ADAM9: variants seen among roughly 807,000 people sequenced by gnomAD.
The protein encoded by ADAM9 is disintegrin and metalloproteinase domain-containing protein 9.
Under a neutral mutation model 108.1 loss-of-function variants are expected in ADAM9, and 54 were observed. The ratio of observed to expected loss-of-function variants is 0.50; its 90% CI spans 0.40 to 0.63. The LOEUF (loss-of-function observed/expected upper bound fraction) is 0.63. Ranked by LOEUF, ADAM9 falls within the 20% of genes least tolerant of loss-of-function variation. ADAM9 has a pLI of 0.00. For synonymous variants in ADAM9, 316 were observed against 336.0 expected, an observed-to-expected ratio of 0.94 and a Z score of 0.65; for missense variants, 830 against 997.7, an observed-to-expected ratio of 0.83 and a Z score of 2.26.
At chr8:39,061,041 C>G (rs990838876) in intron 14 of ADAM9, among the ~76,000 whole-genome samples, 4 of 152,250 alleles carry the variant, frequency 2.6e-5, no homozygotes, top group Non-Finnish European at 5.9e-5. Context: ...CTATCATTCT[C>G]CAAGATCTGT....
intron 13 of ADAM9, 57 bp from the exon 14 acceptor site, chr8:39,055,520 A>T: frequency 6.5e-7 from 1 of 1,550,228 alleles, no homozygotes; most frequent in Non-Finnish European, 8.9e-7. Context: ...TTCACATTTG[A>T]TTAATTTGTG....
intron 11 of ADAM9, among the ~76,000 whole-genome samples, chr8:39,028,233 G>A (rs1471295646): frequency 6.6e-6 from 1 of 152,124 alleles, no homozygotes; most frequent in African/African-American, 2.4e-5. Context: ...GTTCTGAGTG[G>A]ACAAGACAAT....
At chr8:39,092,181 C>T (rs567005597) in intron 20 of ADAM9, among the ~76,000 whole-genome samples, 10 of 152,124 alleles carry the variant, frequency 6.6e-5, no homozygotes, top group African/African-American at 1.7e-4. Flanking sequence ...CTTTTAAGAA[C>T]GTTTTATTTG....
At chr8:39,060,529 G>A (rs1838266374) in intron 14 of ADAM9, among the ~76,000 whole-genome samples, 1 of 152,180 alleles carries the variant, frequency 6.6e-6, no homozygotes, top group Admixed American at 6.5e-5. Context: ...TGTGGGAGTG[G>A]CCAGATGCAA....
At chr8:39,090,753 T>A (rs1054050193) in intron 19 of ADAM9, among the ~76,000 whole-genome samples, 2 of 152,228 alleles carry the variant, frequency 1.3e-5, no homozygotes, top group African/African-American at 2.4e-5. Context: ...GACCAGTCTA[T>A]GCAAATAACT....
At chr8:39,067,913 T>C (rs1354420701) in intron 14 of ADAM9, among the ~76,000 whole-genome samples, 1 of 152,182 alleles carries the variant, frequency 6.6e-6, no homozygotes, top group African/African-American at 2.4e-5. Flanking sequence ...TTTTGAGATA[T>C]GTCCCATCAA....
At chr8:39,080,497 T>C (rs550565644) in intron 16 of ADAM9, among the ~76,000 whole-genome samples, 2 of 152,188 alleles carry the variant, frequency 1.3e-5, no homozygotes, top group East Asian at 1.9e-4. Context: ...CAAACTGACA[T>C]GCCGTTGAGA....
At chr8:39,101,494 G>A (rs1839692284) in intron 20 of ADAM9, among the ~76,000 whole-genome samples, 1 of 152,188 alleles carries the variant, frequency 6.6e-6, no homozygotes, top group South Asian at 2.1e-4. Context: ...GTCCACATGA[G>A]GGGCTGAGAG....
chr8:39,054,602 G>C, intron 13 of ADAM9, 29 bp downstream of exon 13: 62 of 944,726 alleles, frequency 6.6e-5, no homozygotes, highest in Non-Finnish European at 8.3e-5. Flanking sequence ...TTGGAAACAG[G>C]AAAAAAAAAA....
chr8:39,102,636 T>C (rs1400313492), intron 21 of ADAM9, among the ~76,000 whole-genome samples: 1 of 152,192 alleles, frequency 6.6e-6, no homozygotes, highest in African/African-American at 2.4e-5. Context: ...AAAGAAAATA[T>C]GACTAAAACC....
At chr8:39,010,106 G>A (rs1836307454) in intron 2 of ADAM9, among the ~76,000 whole-genome samples, 1 of 151,990 alleles carries the variant, frequency 6.6e-6, no homozygotes, top group Non-Finnish European at 1.5e-5. Flanking sequence ...GGATGGCCAG[G>A]GAAAGCCTTA....
At chr8:39,042,526 C>T (rs1055858747) in intron 12 of ADAM9, among the ~76,000 whole-genome samples, 14 of 151,916 alleles carry the variant, frequency 9.2e-5, no homozygotes, top group Non-Finnish European at 1.5e-4. Flanking sequence ...TGTCCTCCAG[C>T]GTCCTTCAGT....
intron 14 of ADAM9, among the ~76,000 whole-genome samples, chr8:39,063,432 CTCA>C (rs1324260462): frequency 6.6e-6 from 1 of 152,172 alleles, no homozygotes; most frequent in African/African-American, 2.4e-5. Context: ...GCAAAGACGA[CTCA>C]TCAGAATTTA....
At chr8:39,077,045 C>T (rs1333477517) in intron 15 of ADAM9, among the ~76,000 whole-genome samples, 183 bp from the exon 16 acceptor site, 1 of 152,170 alleles carries the variant, frequency 6.6e-6, no homozygotes, top group Non-Finnish European at 1.5e-5. Context: ...CCACTTAACT[C>T]TTTTTTCGCC....
At chr8:38,998,345 C>T (rs899376149) in intron 1 of ADAM9, among the ~76,000 whole-genome samples, 7 of 152,136 alleles carry the variant, frequency 4.6e-5, no homozygotes, top group African/African-American at 1.7e-4. Flanking sequence ...TTAACACTCA[C>T]CGATGTTTAA....
At chr8:39,012,852 G>T (rs1441352326) in intron 3 of ADAM9, among the ~76,000 whole-genome samples, 1 of 152,124 alleles carries the variant, frequency 6.6e-6, no homozygotes, top group Non-Finnish European at 1.5e-5. Flanking sequence ...TGTAAATGAT[G>T]AGTTAATGGG....
At chr8:39,022,068 G>T (rs1251318874) in intron 8 of ADAM9, among the ~76,000 whole-genome samples, 2 of 122,750 alleles carry the variant, frequency 1.6e-5, no homozygotes, top group African/African-American at 9.3e-5. Flanking sequence ...CAATATTTGT[G>T]TGTGTGTGTG....
At chr8:39,077,479 G>C in intron 16 of ADAM9, 68 bp downstream of exon 16, 1 of 1,398,162 alleles carries the variant, frequency 7.2e-7, no homozygotes, top group Non-Finnish European at 9.7e-7. Flanking sequence ...TACATAGTAA[G>C]TGGTTGCTCT....
At chr8:39,054,447 A>C (rs770847512) in intron 12 of ADAM9, 34 bp from the exon 13 acceptor site, 2 of 1,560,888 alleles carry the variant, frequency 1.3e-6, no homozygotes, top group Non-Finnish European at 1.8e-6. Context: ...GTCAATTACT[A>C]ATTTCTTTAT....
Sources: allele counts gnomAD v4.1 joint callset (sites outside exome capture counted in the v4.1 genomes callset), GRCh38; gene constraint gnomAD v4.1.1; transcripts MANE v1.5; gene names NCBI Gene and HGNC (gene_info 2026-07-23, HGNC 2026-07-21).